Variants in FIG4 observed in about 807,000 individuals in gnomAD.
FIG4 encodes the protein polyphosphoinositide phosphatase.
FIG4 carries 112 observed loss-of-function variants against 118.6 expected under a neutral mutation model. The observed-to-expected ratio is 0.94, with a 90% CI of 0.81 to 1.11. The LOEUF (loss-of-function observed/expected upper bound fraction) is 1.11. Among genes scored for constraint, FIG4 ranks in the 50% least tolerant of loss-of-function variants. The pLI is 0.00. For synonymous variants in FIG4, 369 were observed against 381.2 expected, an observed-to-expected ratio of 0.97 and a Z score of 0.37; for missense variants, 969 against 1,111.7, an observed-to-expected ratio of 0.87 and a Z score of 1.83.
intron 7 of FIG4, among the ~76,000 whole-genome samples, chr6:109,739,588 T>G (rs1776262755): frequency 1.3e-5 from 2 of 152,174 alleles, no homozygotes; most frequent in Non-Finnish European, 2.9e-5. Flanking sequence ...ATTTGCAGTT[T>G]AATGGCCTCA....
intron 15 of FIG4, among the ~76,000 whole-genome samples, chr6:109,769,570 A>G (rs981476866): frequency 2.0e-5 from 3 of 151,992 alleles, no homozygotes; most frequent in African/African-American, 4.8e-5. Context: ...AACTTAATCA[A>G]TCTTTTCATG....
At chr6:109,761,066 T>G (rs1777089920) in intron 11 of FIG4, among the ~76,000 whole-genome samples, 1 of 152,262 alleles carries the variant, frequency 6.6e-6, no homozygotes, top group South Asian at 2.1e-4. Flanking sequence ...GGTCTTATTT[T>G]TTAAGATGTT....
chr6:109,743,111 G>T lies in FIG4; in HGVS notation c.878G>T (p.Gly293Val). The T allele has an allele frequency of 6.2e-7, 1 of 1,611,598 alleles. No individual in the cohort carries two copies. The highest frequency in any genetic ancestry group is 8.5e-7 in the Non-Finnish European group (1 of 1,178,232). Residue 293 changes from glycine to valine, a missense_variant and splice_region_variant, in exon 9 of 23, where the codon GGT becomes GTT. Physicochemically the swap from Gly to Val is moderately radical, Grantham distance 109 (BLOSUM62 -3). Coordinates refer to ENST00000230124, the MANE Select transcript of FIG4 (RefSeq NM_014845.6). ...TTTTCAATGCACCTTTCTTTTCAGG[G>T]TGATGTTGCAAATGAAGTGGAGACT... is the stretch of plus-strand genomic sequence containing the variant. Reference protein sequence around the residue: ...RFLKRGANCEGDVANEVETEQ... With the variant: ...RFLKRGANCEVDVANEVETEQ...
chr6:109,780,583 A>G (rs969942706), intron 16 of FIG4, among the ~76,000 whole-genome samples: 4 of 152,188 alleles, frequency 2.6e-5, no homozygotes, highest in Admixed American at 6.5e-5. Context: ...GGATGCCCAT[A>G]AAGTCTGGAA....
At chr6:109,704,737 G>A (rs1775012673) in intron 1 of FIG4, among the ~76,000 whole-genome samples, 1 of 143,316 alleles carries the variant, frequency 7.0e-6, no homozygotes, top group African/African-American at 2.6e-5. Context: ...GAAAAACAAA[G>A]CCTGATGAAC....
At chr6:109,762,468 A>G (rs1435702078) in intron 12 of FIG4, among the ~76,000 whole-genome samples, 1 of 151,818 alleles carries the variant, frequency 6.6e-6, no homozygotes, top group African/African-American at 2.4e-5. Context: ...TCTGTAAGTA[A>G]AATTTTCAAC....
intron 21 of FIG4, among the ~76,000 whole-genome samples, chr6:109,793,422 C>T (rs918165240): frequency 6.6e-6 from 1 of 152,100 alleles, no homozygotes; most frequent in Non-Finnish European, 1.5e-5. Context: ...GAGGGGATAC[C>T]CATAAGGCAT....
chr6:109,773,379 T>C (rs1777522308), intron 15 of FIG4, among the ~76,000 whole-genome samples: 1 of 152,218 alleles, frequency 6.6e-6, no homozygotes, highest in Non-Finnish European at 1.5e-5. Context: ...CACAGAAATC[T>C]AACAAAATCA....
chr6:109,791,903 G>A (rs1778148602), intron 20 of FIG4, among the ~76,000 whole-genome samples: 1 of 152,114 alleles, frequency 6.6e-6, no homozygotes, highest in Admixed American at 6.5e-5. Context: ...TTTAGACGTG[G>A]CCTTCACAAT....
intron 1 of FIG4, chr6:109,701,592 A>C: frequency 4.7e-6 from 2 of 422,610 alleles, no homozygotes; most frequent in Non-Finnish European, 9.9e-6. Context: ...TGTTAGGATA[A>C]TTTTTACTCT....
intron 1 of FIG4, 24 bp from the exon 2 acceptor site, chr6:109,715,054 A>G: frequency 1.5e-6 from 2 of 1,338,202 alleles, no homozygotes; most frequent in Non-Finnish European, 2.2e-6. Context: ...TTGATAAACT[A>G]ATGACATTCC....
intron 21 of FIG4, among the ~76,000 whole-genome samples, chr6:109,794,126 A>G (rs1778212411): frequency 6.6e-6 from 1 of 152,242 alleles, no homozygotes; most frequent in Non-Finnish European, 1.5e-5. Context: ...CATGTCCTAG[A>G]ATAAAATTCT....
intron 3 of FIG4, among the ~76,000 whole-genome samples, chr6:109,719,638 C>T (rs925271783): frequency 6.6e-6 from 1 of 152,154 alleles, no homozygotes; most frequent in Non-Finnish European, 1.5e-5. Context: ...AAGCAATCCT[C>T]CTGCCTTGGC....
intron 3 of FIG4, among the ~76,000 whole-genome samples, chr6:109,723,967 C>T (rs1330911255): frequency 2.6e-5 from 4 of 152,134 alleles, no homozygotes; most frequent in Admixed American, 6.5e-5. Flanking sequence ...AATATAAATT[C>T]CTTTTTTTAG....
chr6:109,792,126 A>G, intron 20 of FIG4, among the ~76,000 whole-genome samples: 1 of 152,272 alleles, frequency 6.6e-6, no homozygotes, highest in Non-Finnish European at 1.5e-5. Flanking sequence ...TTGGCAAACT[A>G]TGACATATTG....
Position 109,795,992 on chromosome 6 carries a change from C to T in FIG4, c.2460-773C>T, listed in dbSNP as rs148161893. ...CGTATCCTTGAAGGAAAGACAGATC[C>T]ATGCAGTCCAAGCAGGCTTCCAGCA... On this transcript the variant is annotated intron_variant, in intron 21 of 22. Transcript: ENST00000230124. Among the ~76,000 whole-genome samples, 62 of 152,342 alleles carry T rather than the reference C, an allele frequency of 4.1e-4. 1 individual carries two copies. The highest frequency in any genetic ancestry group is 1.5e-3 in the African/African-American group (61 of 41,576).
At chr6:109,729,390 A>G (rs965894749) in intron 4 of FIG4, among the ~76,000 whole-genome samples, 1 of 152,198 alleles carries the variant, frequency 6.6e-6, no homozygotes, top group East Asian at 1.9e-4. Flanking sequence ...GAAACTTTAA[A>G]AGCATTACTT....
chr6:109,703,543 C>G (rs940949008), intron 1 of FIG4, among the ~76,000 whole-genome samples: 4 of 152,118 alleles, frequency 2.6e-5, no homozygotes, highest in Non-Finnish European at 4.4e-5. Context: ...TCCTTTTGCT[C>G]TTGGGGCTTG....
At chr6:109,796,613 G>A in intron 21 of FIG4, 152 bp from the exon 22 acceptor site, 1 of 666,436 alleles carries the variant, frequency 1.5e-6, no homozygotes, top group South Asian at 1.6e-5. Flanking sequence ...TTAAAATCAG[G>A]CAAAGTCTTA....
Sources: gnomAD v4.1 joint callset for allele counts (sites outside exome capture counted in the v4.1 genomes callset) on GRCh38, gnomAD v4.1.1 for gene constraint, MANE v1.5 for transcripts, NCBI Gene and HGNC (gene_info 2026-07-23, HGNC 2026-07-21) for gene names.